Variants in CCNB1IP1 observed in about 807,000 individuals in gnomAD.
CCNB1IP1 encodes the protein cyclin B1 interacting protein 1, also known as E3 ubiquitin-protein ligase CCNB1IP1.
CCNB1IP1 carries 14 observed loss-of-function variants against 25.6 expected under a neutral mutation model. That is an observed-to-expected ratio of 0.55 (90% CI 0.36 to 0.85). The LOEUF is 0.85. Ranked by LOEUF, CCNB1IP1 falls within the 40% of genes least tolerant of loss-of-function variation. The pLI, the probability that CCNB1IP1 is intolerant of heterozygous loss-of-function variation, is 0.01. For synonymous variants in CCNB1IP1, 119 were observed against 116.1 expected, an observed-to-expected ratio of 1.02 and a Z score of -0.16; for missense variants, 278 against 342.4, an observed-to-expected ratio of 0.81 and a Z score of 1.48.
chr14:20,325,092 T>C (rs954479208), intron 4 of CCNB1IP1, among the ~76,000 whole-genome samples: 4 of 150,544 alleles, frequency 2.7e-5, no homozygotes, highest in South Asian at 2.2e-4. Flanking sequence ...GGATTACAGG[T>C]GTGAGCCACC....
chr14:20,327,119 G>A (rs1209795958), intron 2 of CCNB1IP1, among the ~76,000 whole-genome samples: 3 of 151,646 alleles, frequency 2.0e-5, no homozygotes, highest in South Asian at 2.1e-4. Context: ...AAAAAAAACC[G>A]AGCAGGACCC....
chr14:20,319,716 T>C (rs1418608152), intron 4 of CCNB1IP1, among the ~76,000 whole-genome samples: 1 of 152,242 alleles, frequency 6.6e-6, no homozygotes, highest in Non-Finnish European at 1.5e-5. Context: ...GAACATTCTG[T>C]ACATGTCTCC....
At chr14:20,320,117 A>C (rs1015337857) in intron 4 of CCNB1IP1, among the ~76,000 whole-genome samples, 1 of 152,240 alleles carries the variant, frequency 6.6e-6, no homozygotes, top group Non-Finnish European at 1.5e-5. Context: ...CAGTAATATG[A>C]CATGCAAACA....
chr14:20,313,444 C>A (rs770957212), intron 6 of CCNB1IP1, 24 bp downstream of exon 6: 1 of 1,523,174 alleles, frequency 6.6e-7, no homozygotes, highest in Non-Finnish European at 8.9e-7. Flanking sequence ...AAAGAACAGA[C>A]ACTTGATACA....
At chr14:20,326,337 T>G in intron 3 of CCNB1IP1, 2 of 364,274 alleles carry the variant, frequency 5.5e-6, no homozygotes, top group Non-Finnish European at 1.2e-5. Context: ...AACAAAACAT[T>G]AGTCTCAAAT....
intron 5 of CCNB1IP1, 139 bp downstream of exon 5, chr14:20,316,088 G>T: frequency 1.3e-6 from 1 of 744,086 alleles, no homozygotes; most frequent in Non-Finnish European, 2.1e-6. Context: ...AAACAGTATT[G>T]CTTTTGAAAA....
intron 4 of CCNB1IP1, among the ~76,000 whole-genome samples, chr14:20,320,715 G>A (rs936044396): frequency 1.3e-5 from 2 of 148,344 alleles, no homozygotes; most frequent in Non-Finnish European, 3.0e-5. Flanking sequence ...TGAGGCAGGA[G>A]AATAGCCTGA....
chr14:20,318,959 C>G (rs769254647), intron 4 of CCNB1IP1: 2 of 152,184 alleles, frequency 1.3e-5, no homozygotes, highest in Non-Finnish European at 2.9e-5. Flanking sequence ...CAAAGGGTCT[C>G]GCCATGTTGG....
chr14:20,329,456 T>C (rs147446806), intron 1 of CCNB1IP1, 83 bp from the exon 2 acceptor site: 28 of 152,348 alleles, frequency 1.8e-4, no homozygotes, highest in South Asian at 6.2e-4. Context: ...CCTTTAGAGA[T>C]AGTTATATAA....
At chr14:20,330,104 T>A (rs896809179) in intron 1 of CCNB1IP1, among the ~76,000 whole-genome samples, 120 of 98,370 alleles carry the variant, frequency 1.2e-3, no homozygotes, top group Non-Finnish European at 1.3e-3. Context: ...TCCACAGCCA[T>A]AAAAAAAAAA....
chr14:20,328,666 C>T (rs1236728361), intron 2 of CCNB1IP1, among the ~76,000 whole-genome samples: 1 of 152,162 alleles, frequency 6.6e-6, no homozygotes, highest in African/African-American at 2.4e-5. Context: ...AACAACTTCT[C>T]TATTAATCTC....
chr14:20,331,471 A>G (rs1883232190), intron 1 of CCNB1IP1, among the ~76,000 whole-genome samples: 1 of 152,216 alleles, frequency 6.6e-6, no homozygotes, highest in Non-Finnish European at 1.5e-5. Flanking sequence ...TGTACAAAAT[A>G]AATATAAATA....
At chr14:20,314,211 G>A (rs61995509) in intron 5 of CCNB1IP1, 7,968 of 156,434 alleles carry the variant, frequency 0.051, 274 homozygotes, top group Middle Eastern at 0.1. Context: ...CCCCTTGCAC[G>A]TGGGCAGGAC....
At chr14:20,311,810 C>T (rs1312080189) in intron 6 of CCNB1IP1, 58 bp from the exon 7 acceptor site, 5 of 1,118,646 alleles carry the variant, frequency 4.5e-6, no homozygotes, top group Non-Finnish European at 6.6e-6. Flanking sequence ...ATATAATCTA[C>T]TTCAGAGGAA....
intron 1 of CCNB1IP1, among the ~76,000 whole-genome samples, chr14:20,331,960 G>A (rs1407603529): frequency 8.5e-6 from 1 of 117,426 alleles, no homozygotes; most frequent in Non-Finnish European, 1.8e-5. Context: ...TGAACCATGT[G>A]AATGTATTAC....
At chr14:20,321,688 G>A (rs1011850654) in intron 4 of CCNB1IP1, among the ~76,000 whole-genome samples, 2 of 152,224 alleles carry the variant, frequency 1.3e-5, no homozygotes, top group East Asian at 3.9e-4. Context: ...CCTAGACCTC[G>A]TGATCTACCC....
chr14:20,330,157 T>C (rs1191090328), intron 1 of CCNB1IP1, among the ~76,000 whole-genome samples: 1 of 149,548 alleles, frequency 6.7e-6, no homozygotes, highest in East Asian at 1.9e-4. Flanking sequence ...AGCTGCTGGA[T>C]GCTGCTGGGG....
In CCNB1IP1 at chr14:20,311,534, T is replaced by A. The variant is rs1420737333; in HGVS notation, c.*16A>T. The A allele has an allele frequency of 6.2e-7, 1 of 1,608,818 alleles. No individual in the cohort carries two copies. Among genetic ancestry groups the A allele is most frequent in the Non-Finnish European group, 8.5e-7 (1 of 1,177,022 alleles). The stretch of plus-strand genomic sequence containing the variant: ...CTAAGTAGCTGGGATCACAGGTGCG[T>A]GACACTATGCGTGGCTCAAATTCTT... On this transcript the variant is annotated 3_prime_UTR_variant, in exon 7 of 7. Coordinates refer to ENST00000358932, the MANE Select transcript of CCNB1IP1 (RefSeq NM_021178.5).
In CCNB1IP1 at chr14:20,316,471, T is replaced by C. The variant is rs772191557; in HGVS notation, c.53A>G (p.Lys18Arg). ...LLCNYRKCRI[K>R]LSGYAWVTAC... Reference sequence around the variant, plus strand: ...AGTGACCCATGCATAGCCAGAGAGTTTGATGCGACACTTTCGATAATTACA... The same window carrying C: ...AGTGACCCATGCATAGCCAGAGAGTCTGATGCGACACTTTCGATAATTACA... The change falls in exon 5 of 7, where the codon AAA (lysine) becomes AGA (arginine). Residue 18 changes from lysine (K) to arginine (R), a missense_variant. Transcript: ENST00000358932. The C allele has an allele frequency of 6.8e-6, 11 of 1,613,114 alleles. No individual in the cohort carries two copies. In the Middle Eastern group the frequency reaches 4.9e-4, roughly 72 times the overall value.
Sources: gnomAD v4.1 joint callset for allele counts (sites outside exome capture counted in the v4.1 genomes callset) on GRCh38, gnomAD v4.1.1 for gene constraint, MANE v1.5 for transcripts, NCBI Gene and HGNC (gene_info 2026-07-23, HGNC 2026-07-21) for gene names.